The following ESR2 variants were observed in gnomAD, a reference collection of about 807,000 sequenced individuals.
ESR2 encodes estrogen receptor 2, also known as estrogen receptor beta.
A neutral mutation model predicts 49.6 loss-of-function variants in ESR2; 36 were observed. The observed-to-expected ratio is 0.73, with a 90% confidence interval of 0.56 to 0.96. The LOEUF is 0.96. Among genes scored for constraint, ESR2 ranks in the 40% least tolerant of loss-of-function variants. ESR2 has a pLI of 0.00. For synonymous variants in ESR2, 320 were observed against 266.1 expected, an observed-to-expected ratio of 1.20 and a Z score of -1.97; for missense variants, 714 against 693.0, an observed-to-expected ratio of 1.03 and a Z score of -0.34.
intron 3 of ESR2, among the ~76,000 whole-genome samples, chr14:64,276,771 G>T (rs1479899086): frequency 1.3e-5 from 2 of 152,164 alleles, no homozygotes; most frequent in Non-Finnish European, 2.9e-5. Context: ...GTGCAGTTGT[G>T]AAAAGGGTCT....
intron 1 of ESR2, among the ~76,000 whole-genome samples, chr14:64,316,422 T>C (rs2077256091): frequency 6.6e-6 from 1 of 152,150 alleles, no homozygotes; most frequent in Admixed American, 6.6e-5. Flanking sequence ...CTACACAATA[T>C]CTTCCAAAAA....
At chr14:64,305,100 C>A (rs1596477029) in intron 1 of ESR2, among the ~76,000 whole-genome samples, 1 of 151,508 alleles carries the variant, frequency 6.6e-6, no homozygotes, top group Admixed American at 6.6e-5. Context: ...ACCAACCTGG[C>A]TAACACGGTG....
chr14:64,313,878 CAA>C (rs58601573), intron 1 of ESR2, among the ~76,000 whole-genome samples: 25 of 95,864 alleles, frequency 2.6e-4, no homozygotes, highest in Admixed American at 5.7e-4. Flanking sequence ...GACTCTGTCT[CAA>C]AAAAAAAAAA....
chr14:64,300,432 T>G (rs2077009061), intron 1 of ESR2, among the ~76,000 whole-genome samples: 1 of 152,118 alleles, frequency 6.6e-6, no homozygotes, highest in Non-Finnish European at 1.5e-5. Flanking sequence ...GGGAGAAAAT[T>G]CTTAACAACT....
Position 64,268,796 on chromosome 14 carries a change from A to G in ESR2, c.651T>C (p.Cys217=). 6.3e-7 allele frequency: 1 copy of G among 1,597,156 alleles called. No homozygotes were observed. Among genetic ancestry groups the G allele is most frequent in the Non-Finnish European group, 8.6e-7 (1 of 1,164,796 alleles). Reference sequence around the variant, plus strand: ...ATAAGAAGGGAAGCAAGCACTCACCACACTTCACCATTCCCACTTCGTAAC... The same window carrying G: ...ATAAGAAGGGAAGCAAGCACTCACCGCACTTCACCATTCCCACTTCGTAAC... ...RKCYEVGMVK[C]GSRRERCGYR... Residue 217 remains cysteine, a splice_region_variant and synonymous_variant, in exon 4 of 9, where the codon TGT becomes TGC. Coordinates refer to ENST00000341099, the MANE Select transcript of ESR2 (RefSeq NM_001437.3).
intron 6 of ESR2, among the ~76,000 whole-genome samples, chr14:64,256,977 A>G (rs1373382239): frequency 6.6e-6 from 1 of 152,184 alleles, no homozygotes; most frequent in Non-Finnish European, 1.5e-5. Flanking sequence ...TACGGGATAC[A>G]GTCCCCTATT....
intron 1 of ESR2, among the ~76,000 whole-genome samples, chr14:64,286,588 C>T (rs1260452673): frequency 6.6e-6 from 1 of 152,096 alleles, no homozygotes; most frequent in African/African-American, 2.4e-5. Context: ...AAGCGAGAGC[C>T]ACCAGCCAGA....
At chr14:64,328,330 A>T (rs899484123) in intron 1 of ESR2, among the ~76,000 whole-genome samples, 3 of 152,142 alleles carry the variant, frequency 2.0e-5, no homozygotes, top group African/African-American at 7.2e-5. Flanking sequence ...AAGACAGGAG[A>T]ATCACTTGAA....
intron 7 of ESR2, among the ~76,000 whole-genome samples, chr14:64,243,508 G>A (rs141886761): frequency 2.0e-4 from 30 of 152,284 alleles, no homozygotes; most frequent in Non-Finnish European, 3.8e-4. Context: ...GCACAATAAA[G>A]CAACATGTAA....
intron 2 of ESR2, among the ~76,000 whole-genome samples, chr14:64,280,736 G>A (rs943411917): frequency 2.0e-5 from 3 of 152,186 alleles, no homozygotes; most frequent in African/African-American, 4.8e-5. Context: ...CAGGTTGGGC[G>A]CAATGGTTCA....
chr14:64,308,814 G>A (rs1333890383), intron 1 of ESR2, among the ~76,000 whole-genome samples: 1 of 151,928 alleles, frequency 6.6e-6, no homozygotes, highest in Non-Finnish European at 1.5e-5. Flanking sequence ...AGTCTCACCT[G>A]TCACCCAGGC....
chr14:64,309,607 C>CAAAA (rs545143689), intron 1 of ESR2, among the ~76,000 whole-genome samples: 15 of 125,900 alleles, frequency 1.2e-4, no homozygotes, highest in African/African-American at 2.8e-4. Context: ...AACTCCATCT[C>CAAAA]AAAAAAAAAA....
At chr14:64,309,327 T>C (rs2077154065) in intron 1 of ESR2, among the ~76,000 whole-genome samples, 1 of 152,186 alleles carries the variant, frequency 6.6e-6, no homozygotes, top group South Asian at 2.1e-4. Flanking sequence ...ATAGAGAATC[T>C]TAGGCCGGGT....
intron 1 of ESR2, chr14:64,336,662 C>A (rs992740877): frequency 3.3e-5 from 5 of 152,134 alleles, no homozygotes; most frequent in Admixed American, 3.3e-4. Flanking sequence ...TAAACCTGTT[C>A]CTTTGGTGGG....
rs374264697 is a variant in ESR2, at chr14:64,261,232, C to CTTTTTTTTTTTTTTTT, written c.653-485_653-484insAAAAAAAAAAAAAAAA. ...CAGTCTTTTTAATGCTTTTATTTTT[C>CTTTTTTTTTTTTTTTT]TTTTTTCTTTTTTTTTTTTTTTTGA... On this transcript the variant is annotated intron_variant, in intron 4 of 8. Transcript: ENST00000341099. Among the ~76,000 whole-genome samples the CTTTTTTTTTTTTTTTT allele has an allele frequency of 1.3e-3, 111 of 88,654 alleles. 8 individuals carry two copies. The highest frequency in any genetic ancestry group is 1.6e-3 in the Non-Finnish European group (77 of 48,598). 58.2% of individuals were successfully genotyped at this position (88,654 alleles called of 152,430 possible). A position where few individuals can be genotyped will look rare whatever the true frequency, so the allele number is the denominator to read the frequency against.
At chr14:64,242,444 C>CAAA (rs146972114) in intron 7 of ESR2, among the ~76,000 whole-genome samples, 84 of 121,482 alleles carry the variant, frequency 6.9e-4, no homozygotes, top group African/African-American at 3.3e-3. Context: ...AACAAACAAA[C>CAAA]AAAAAAAATA....
intron 7 of ESR2, among the ~76,000 whole-genome samples, chr14:64,240,905 G>T (rs548122077): frequency 6.6e-6 from 1 of 152,136 alleles, no homozygotes; most frequent in African/African-American, 2.4e-5. Flanking sequence ...AGCACTTTGG[G>T]AGGCCGAGGC....
At chr14:64,280,389 C>T (rs1043726416) in intron 2 of ESR2, among the ~76,000 whole-genome samples, 4 of 152,098 alleles carry the variant, frequency 2.6e-5, no homozygotes, top group Non-Finnish European at 4.4e-5. Flanking sequence ...GAGTTTATGC[C>T]CATCCACGTG....
chr14:64,334,162 C>T (rs1236326856), intron 1 of ESR2, among the ~76,000 whole-genome samples: 1 of 152,154 alleles, frequency 6.6e-6, no homozygotes, highest in East Asian at 1.9e-4. Context: ...TTGGGCCATA[C>T]TTGTTTTGCT....
Sources: gnomAD v4.1 joint callset for allele counts (sites outside exome capture counted in the v4.1 genomes callset) on GRCh38, gnomAD v4.1.1 for gene constraint, MANE v1.5 for transcripts, NCBI Gene and HGNC (gene_info 2026-07-23, HGNC 2026-07-21) for gene names.